The following EPS15 variants were observed in gnomAD, a reference collection of about 807,000 sequenced individuals.
EPS15 encodes epidermal growth factor receptor substrate 15.
EPS15 carries 72 observed loss-of-function variants against 113.8 expected under a neutral mutation model. The ratio of observed to expected loss-of-function variants is 0.63; its 90% CI spans 0.52 to 0.77. The LOEUF is 0.77. EPS15 is among the 30% of genes least tolerant of loss of function. The pLI is 0.00. For synonymous variants in EPS15, 344 were observed against 363.4 expected (o/e 0.95, Z 0.61); for missense variants, 1,048 against 1,045.8 (o/e 1.00, Z -0.03).
rs760543648 is a variant in EPS15 at position 51,361,328 on chromosome 1, G to A, written c.2387C>T (p.Ser796Phe). The A allele has an allele frequency of 1.2e-6, 2 of 1,612,014 alleles. No individual in the cohort carries two copies. The highest frequency in any genetic ancestry group is 1.7e-6 in the Non-Finnish European group (2 of 1,179,238). Reference sequence around the variant, plus strand: ...ATCATTCAGTTTAAAGGGATCAGGAGAATCCAATTTGTTGATGGATCTTTT... The same window carrying A: ...ATCATTCAGTTTAAAGGGATCAGGAAAATCCAATTTGTTGATGGATCTTTT... Reference protein sequence around the residue: ...PGKRSINKLDSPDPFKLNDPF... With the variant: ...PGKRSINKLDFPDPFKLNDPF... The change falls in exon 24 of 25, where the codon TCT becomes TTT. Residue 796 changes from serine to phenylalanine, a missense_variant. Transcript: ENST00000371733.
chr1:51,506,059 G>A (rs1257530142), intron 1 of EPS15, among the ~76,000 whole-genome samples: 3 of 152,100 alleles, frequency 2.0e-5, no homozygotes, highest in African/African-American at 4.8e-5. Flanking sequence ...GCTGATTTTT[G>A]TATTTTTAGC....
intron 3 of EPS15, among the ~76,000 whole-genome samples, chr1:51,472,006 T>C (rs1053955106): frequency 1.3e-5 from 2 of 149,960 alleles, no homozygotes; most frequent in Non-Finnish European, 3.0e-5. Context: ...GGTTCTTTTA[T>C]GATTTTTTTT....
chr1:51,488,348 G>A (rs963712235), intron 1 of EPS15, among the ~76,000 whole-genome samples: 1 of 151,704 alleles, frequency 6.6e-6, no homozygotes, highest in Non-Finnish European at 1.5e-5. Context: ...CTTACCAGCT[G>A]TCACAAAGTT....
chr1:51,421,920 T>C lies in EPS15; in HGVS notation c.1041-62A>G, dbSNP rs773143611. ...ACATCAGCTACAGCTGGTATGGTTA[T>C]CCATCCTCCTAATCCTGAATCGCTT... is the stretch of plus-strand genomic sequence containing the variant. On this transcript the variant is annotated intron_variant, in intron 12 of 24. Transcript: ENST00000371733. 3.1e-6 allele frequency: 5 copies of C among 1,605,646 alleles called. No individual in the cohort carries two copies. The African/African-American group carries it at 4.0e-5, about 13-fold the overall frequency.
intron 12 of EPS15, among the ~76,000 whole-genome samples, chr1:51,436,307 T>C (rs1438625379): frequency 6.6e-6 from 1 of 152,070 alleles, no homozygotes; most frequent in African/African-American, 2.4e-5. Flanking sequence ...GGAAGTAGGA[T>C]GGTCCAAAGG....
intron 1 of EPS15, among the ~76,000 whole-genome samples, chr1:51,517,682 C>T (rs1200905860): frequency 6.6e-6 from 1 of 152,150 alleles, no homozygotes; most frequent in African/African-American, 2.4e-5. Context: ...TGGGAGGACC[C>T]TTCCAAACAT....
chr1:51,474,680 TTTATTA>T (rs1317120693), intron 2 of EPS15, among the ~76,000 whole-genome samples: 3 of 151,756 alleles, frequency 2.0e-5, no homozygotes, highest in Admixed American at 6.6e-5. Flanking sequence ...GTTTTCTTTT[TTTATTA>T]TTATTATTAT....
intron 21 of EPS15, among the ~76,000 whole-genome samples, chr1:51,389,903 T>A (rs7531856): frequency 6.6e-6 from 1 of 152,208 alleles, no homozygotes; most frequent in Non-Finnish European, 1.5e-5. Context: ...AGGTAATTTA[T>A]AGATTCAATG....
chr1:51,364,234 T>C (rs1289259191), intron 22 of EPS15, among the ~76,000 whole-genome samples: 1 of 152,142 alleles, frequency 6.6e-6, no homozygotes, highest in Non-Finnish European at 1.5e-5. Flanking sequence ...TCTAACATCA[T>C]TACTTATTAA....
At position 51,471,666 on chromosome 1, in the gene EPS15, A is replaced by G. The variant is rs200922981; in HGVS notation, c.213+24T>C. 793 of 1,573,384 alleles carry G rather than the reference A, an allele frequency of 5.0e-4. 1 individual carries two copies. The highest frequency in any genetic ancestry group is 6.3e-4 in the Non-Finnish European group (729 of 1,149,660). ...TTATTTTGAATCACTCAAAAAAAAA[A>G]TCATATGAATATCTGAAACTTACTT... On this transcript the variant is annotated intron_variant, in intron 4 of 24. Coordinates refer to ENST00000371733, the MANE Select transcript of EPS15 (RefSeq NM_001981.3).
At chr1:51,401,767 C>A (rs1400578787) in intron 18 of EPS15, among the ~76,000 whole-genome samples, 1 of 152,198 alleles carries the variant, frequency 6.6e-6, no homozygotes, top group African/African-American at 2.4e-5. Context: ...CTTTAGAAGG[C>A]CGAGGCAGGC....
intron 21 of EPS15, among the ~76,000 whole-genome samples, chr1:51,370,400 C>T (rs1646617640): frequency 6.6e-6 from 1 of 152,086 alleles, no homozygotes; most frequent in African/African-American, 2.4e-5. Flanking sequence ...AAGTTGAGTA[C>T]TCCAAATCCA....
chr1:51,406,978 G>A (rs1649191258), intron 15 of EPS15, among the ~76,000 whole-genome samples: 2 of 152,172 alleles, frequency 1.3e-5, no homozygotes, highest in South Asian at 4.1e-4. Context: ...GTACTCAGCT[G>A]CCAGATAACA....
At chr1:51,403,560 A>T in intron 16 of EPS15, 28 bp from the exon 17 acceptor site, 5 of 1,264,662 alleles carry the variant, frequency 4.0e-6, no homozygotes, top group Non-Finnish European at 5.6e-6. Flanking sequence ...AAGTAGATTA[A>T]CAATATACTT....
intron 1 of EPS15, among the ~76,000 whole-genome samples, chr1:51,502,375 T>G (rs1227029030): frequency 6.6e-6 from 1 of 152,240 alleles, no homozygotes; most frequent in Non-Finnish European, 1.5e-5. Flanking sequence ...CTAGTTTTAT[T>G]TCATAGCTGA....
intron 1 of EPS15, among the ~76,000 whole-genome samples, chr1:51,502,543 A>C (rs1467982020): frequency 6.6e-6 from 1 of 152,158 alleles, no homozygotes; most frequent in African/African-American, 2.4e-5. Flanking sequence ...GGAGGAAGTA[A>C]ATCTGTATTT....
At chr1:51,413,763 T>C (rs574677665) in intron 13 of EPS15, among the ~76,000 whole-genome samples, 1 of 152,330 alleles carries the variant, frequency 6.6e-6, no homozygotes, top group East Asian at 1.9e-4. Flanking sequence ...ACCTTTATTT[T>C]TTTAAGACAG....
At chr1:51,436,157 G>C (rs1652135641) in intron 12 of EPS15, among the ~76,000 whole-genome samples, 1 of 152,176 alleles carries the variant, frequency 6.6e-6, no homozygotes, top group Non-Finnish European at 1.5e-5. Flanking sequence ...TACTGTGAGA[G>C]GTGGCTAAGA....
At chr1:51,496,325 T>C (rs1224521569) in intron 1 of EPS15, among the ~76,000 whole-genome samples, 1 of 152,172 alleles carries the variant, frequency 6.6e-6, no homozygotes, top group Non-Finnish European at 1.5e-5. Context: ...GTTACTATTA[T>C]TTTCCCCATT....
Sources: allele counts gnomAD v4.1 joint callset (sites outside exome capture counted in the v4.1 genomes callset), GRCh38; gene constraint gnomAD v4.1.1; transcripts MANE v1.5; gene names NCBI Gene and HGNC (gene_info 2026-07-23, HGNC 2026-07-21).